The following IQSEC1 variants were observed in gnomAD, a reference collection of about 807,000 sequenced individuals.
IQSEC1 encodes the protein IQ motif and SEC7 domain-containing protein 1.
IQSEC1 carries 31 observed loss-of-function variants against 91.0 expected under a neutral mutation model. That is an observed-to-expected ratio of 0.34 (90% CI 0.26 to 0.46). IQSEC1 has a LOEUF of 0.46. Ranked by LOEUF, IQSEC1 falls within the 20% of genes least tolerant of loss-of-function variation. The pLI, the probability that IQSEC1 is intolerant of heterozygous loss-of-function variation, is 1.00. For missense variants in IQSEC1, 1,388 were observed against 1,575.6 expected, an observed-to-expected ratio of 0.88 and a Z score of 2.02; for synonymous variants, 699 against 662.6, an observed-to-expected ratio of 1.05 and a Z score of -0.84.
At chr3:13,010,066 A>G (rs1234882559) in intron 1 of IQSEC1, among the ~76,000 whole-genome samples, 2 of 152,230 alleles carry the variant, frequency 1.3e-5, no homozygotes, top group Admixed American at 6.5e-5. Context: ...TCTCATCTGC[A>G]AAATAGGGAT....
chr3:13,124,062 A>C (rs556413414), intron 2 of IQSEC1, among the ~76,000 whole-genome samples: 1 of 152,242 alleles, frequency 6.6e-6, no homozygotes, highest in African/African-American at 2.4e-5. Context: ...CATAACCGGC[A>C]GGCATGGTGT....
chr3:12,966,334 A>C (rs1165558533), intron 1 of IQSEC1, among the ~76,000 whole-genome samples: 2 of 152,174 alleles, frequency 1.3e-5, no homozygotes, highest in Admixed American at 1.3e-4. Flanking sequence ...CAACTGCTGG[A>C]CATGCGCTGC....
intron 1 of IQSEC1, among the ~76,000 whole-genome samples, chr3:13,226,445 C>T (rs1376360162): frequency 6.6e-6 from 1 of 152,126 alleles, no homozygotes; most frequent in Non-Finnish European, 1.5e-5. Flanking sequence ...ACTGAGGACA[C>T]ATCCGGGAAC....
intron 1 of IQSEC1, among the ~76,000 whole-genome samples, chr3:13,040,060 C>A (rs186155186): frequency 6.6e-6 from 1 of 152,350 alleles, no homozygotes; most frequent in East Asian, 1.9e-4. Context: ...CAGACACTCA[C>A]TGAGCTTCCC....
chr3:13,179,195 C>T (rs1693791300), intron 1 of IQSEC1, among the ~76,000 whole-genome samples: 1 of 152,218 alleles, frequency 6.6e-6, no homozygotes, highest in Non-Finnish European at 1.5e-5. Flanking sequence ...CAGTTGTTGG[C>T]TCTCTGTGAG....
chr3:12,991,206 C>T (rs994597656), intron 1 of IQSEC1, among the ~76,000 whole-genome samples: 1 of 152,168 alleles, frequency 6.6e-6, no homozygotes, highest in Non-Finnish European at 1.5e-5. Context: ...GATTCAGGGA[C>T]TCAGGGCAGG....
chr3:13,035,582 G>A (rs566360378), intron 1 of IQSEC1, among the ~76,000 whole-genome samples: 3 of 152,206 alleles, frequency 2.0e-5, no homozygotes, highest in Non-Finnish European at 4.4e-5. Flanking sequence ...CACCTGTTAG[G>A]TCCTCTTCCC....
chr3:13,026,297 G>A (rs753011993), intron 1 of IQSEC1, among the ~76,000 whole-genome samples: 9 of 152,204 alleles, frequency 5.9e-5, no homozygotes, highest in Non-Finnish European at 1.2e-4. Context: ...TGCCAGCCCA[G>A]GTGTCCAGTT....
chr3:12,901,280 T>C lies in IQSEC1; in HGVS notation c.3048A>G (p.Pro1016=). 2 of 1,344,078 alleles carry C rather than the reference T, an allele frequency of 1.5e-6. No individual in the cohort carries two copies. Among genetic ancestry groups the C allele is most frequent in the Non-Finnish European group, 2.0e-6 (2 of 1,025,482 alleles). 83.3% of individuals were successfully genotyped at this position (1,344,078 alleles called of 1,614,324 possible). A position where few individuals can be genotyped will look rare whatever the true frequency, so the allele number is the denominator to read the frequency against. Residue 1016 remains proline, a synonymous_variant, in exon 14 of 14, where the codon CCA becomes CCG. Coordinates refer to ENST00000613206, the MANE Select transcript of IQSEC1 (RefSeq NM_001134382.3). The part of the protein sequence containing the change: ...HSVAGHHLGP[P]EGLPQAAMHG... The stretch of plus-strand genomic sequence containing the variant: ...GCATGGCGGCCTGCGGCAGCCCCTC[T>C]GGGGGCCCCAGGTGGTGGCCAGCCA...
At chr3:13,049,089 G>T (rs1704597999) in intron 1 of IQSEC1, among the ~76,000 whole-genome samples, 1 of 152,290 alleles carries the variant, frequency 6.6e-6, no homozygotes, top group South Asian at 2.1e-4. Flanking sequence ...GAGCTAGCGG[G>T]GTGGCAAGCA....
At chr3:13,201,725 C>A (rs948612810) in intron 1 of IQSEC1, among the ~76,000 whole-genome samples, 8 of 152,224 alleles carry the variant, frequency 5.3e-5, no homozygotes, top group African/African-American at 1.9e-4. Flanking sequence ...GAGAGAAGCA[C>A]TACATTTTCC....
At chr3:13,033,911 C>T (rs980775135) in intron 1 of IQSEC1, among the ~76,000 whole-genome samples, 6 of 152,288 alleles carry the variant, frequency 3.9e-5, no homozygotes, top group African/African-American at 1.2e-4. Flanking sequence ...ACCAGACATC[C>T]GGTCACCTTA....
chr3:13,150,381 T>C (rs1271226448), intron 2 of IQSEC1, among the ~76,000 whole-genome samples: 1 of 152,126 alleles, frequency 6.6e-6, no homozygotes, highest in East Asian at 1.9e-4. Context: ...ATGTGGTTGG[T>C]TTTTCGAATT....
At chr3:12,962,632 C>T (rs1297157857) in intron 1 of IQSEC1, among the ~76,000 whole-genome samples, 1 of 152,244 alleles carries the variant, frequency 6.6e-6, no homozygotes, top group Non-Finnish European at 1.5e-5. Context: ...GTCATGTTCG[C>T]ATGGGTCCCT....
At chr3:13,099,000 A>G (rs919923168) in intron 2 of IQSEC1, among the ~76,000 whole-genome samples, 4 of 152,248 alleles carry the variant, frequency 2.6e-5, no homozygotes, top group African/African-American at 9.6e-5. Flanking sequence ...TCAGGTAGCG[A>G]TCAGTTCCAG....
At chr3:13,090,439 C>G (rs1559252915) in intron 2 of IQSEC1, among the ~76,000 whole-genome samples, 1 of 152,176 alleles carries the variant, frequency 6.6e-6, no homozygotes, top group Non-Finnish European at 1.5e-5. Context: ...TGATTGCAAT[C>G]TGAGCTCAAG....
At position 12,970,571 on chromosome 3, in the gene IQSEC1, C is replaced by T. The variant is rs1475605838; in HGVS notation, c.24-28706G>A. 6.6e-6 allele frequency among the ~76,000 whole-genome samples: 1 copy of T among 152,168 alleles called. No homozygotes were observed. Among genetic ancestry groups the T allele is most frequent in the African/African-American group, 2.4e-5 (1 of 41,422 alleles). ...CTCTCTCCAAGCTGTCAGGATCAAG[C>T]CCAGCCTCCCTGCACAGCCAGCCTC... On this transcript the variant is annotated intron_variant, in intron 1 of 13. Transcript: ENST00000613206. The surrounding 1 kb of genome is among the most constrained non-coding windows in gnomAD (Gnocchi z 4.4).
rs114870574 is a variant in IQSEC1, at chr3:13,172,073, G to A, written c.273-7940C>T. 6.3e-3 allele frequency among the ~76,000 whole-genome samples: 956 copies of A among 152,312 alleles called. 6 individuals are homozygous for A. Among genetic ancestry groups the A allele is most frequent in the African/African-American group, 0.022 (920 of 41,566 alleles). On this transcript the variant is annotated intron_variant, in intron 1 of 15. Coordinates refer to the IQSEC1 transcript ENST00000648114. ...GGTGGGAGAGGCCACACATCCACAC[G>A]AGCCCATAGCCAGAATGTACCCTGC...
intron 1 of IQSEC1, among the ~76,000 whole-genome samples, chr3:13,245,571 G>T (rs6442361): frequency 1.3e-5 from 2 of 151,902 alleles, no homozygotes; most frequent in Non-Finnish European, 2.9e-5. Context: ...GTTCAAGACC[G>T]GCCTGGCCAA....
Sources: allele counts gnomAD v4.1 joint callset (sites outside exome capture counted in the v4.1 genomes callset), GRCh38; gene constraint gnomAD v4.1.1; non-coding constraint Gnocchi (gnomAD v3.1); transcripts MANE v1.5; gene names NCBI Gene and HGNC (gene_info 2026-07-23, HGNC 2026-07-21).